The following PATL2 variants were observed in gnomAD, a reference collection of about 807,000 sequenced individuals.
The protein encoded by PATL2 is protein PAT1 homolog 2.
In PATL2, 73 loss-of-function variants were observed where a neutral mutation model predicts 77.0. That is an observed-to-expected ratio of 0.95 (90% CI 0.78 to 1.15). The LOEUF is 1.15. PATL2 is among the 50% of genes most tolerant of loss of function. The pLI is 0.00. For synonymous variants in PATL2, 265 were observed against 257.1 expected, an observed-to-expected ratio of 1.03 and a Z score of -0.29; for missense variants, 618 against 655.4, an observed-to-expected ratio of 0.94 and a Z score of 0.62.
At chr15:44,710,517 G>A (rs1008582380) in intron 2 of PATL2, among the ~76,000 whole-genome samples, 2 of 152,158 alleles carry the variant, frequency 1.3e-5, no homozygotes, top group East Asian at 1.9e-4. Context: ...TAAAATTGCC[G>A]AGCCCTTTGT....
chr15:44,683,575 A>G (rs529425661), intron 3 of PATL2, among the ~76,000 whole-genome samples: 54 of 152,328 alleles, frequency 3.5e-4, no homozygotes, highest in South Asian at 1.7e-3. Flanking sequence ...TCTGAAAGAA[A>G]GGCAGTAGCC....
chr15:44,702,045 A>T (rs1287963857), intron 3 of PATL2, among the ~76,000 whole-genome samples: 1 of 152,132 alleles, frequency 6.6e-6, no homozygotes, highest in Non-Finnish European at 1.5e-5. Flanking sequence ...AGGGATTACA[A>T]TTCAACATGA....
Position 44,675,692 on chromosome 15 carries a change from C to T in PATL2, c.17-1G>A. On this transcript the variant is annotated splice_acceptor_variant, in intron 4 of 17. Transcript: ENST00000682850. LOFTEE classifies it high-confidence loss of function. ...AAGGGGCCACAGGTCTTACCTGGCC[C>T]TTGGTTTAAGTGTGGGCCAGAGGAG... The T allele has an allele frequency of 6.5e-7, 1 of 1,546,788 alleles. No individual in the cohort carries two copies. The highest frequency in any genetic ancestry group is 8.7e-7 in the Non-Finnish European group (1 of 1,144,510).
chr15:44,702,834 C>A (rs144633602), intron 3 of PATL2, among the ~76,000 whole-genome samples: 1 of 151,784 alleles, frequency 6.6e-6, no homozygotes, highest in African/African-American at 2.4e-5. Flanking sequence ...AGTTTTTTTC[C>A]ATTGTGGTCA....
At chr15:44,681,945 A>G (rs2086143090) in intron 3 of PATL2, among the ~76,000 whole-genome samples, 1 of 152,196 alleles carries the variant, frequency 6.6e-6, no homozygotes. Flanking sequence ...TTTTAGCTGC[A>G]TGGAGAAATT....
Position 44,674,194 on chromosome 15 carries a change from C to A in PATL2, c.259G>T (p.Gly87Cys). ...GAGGCAAGTGACATTCCCAGCATAC[C>A]AGGGGCCTTGACTCCAGGGGAGCTA... ...LLSSPGVKAP[G>C]MLGMSLASLH... Residue 87 changes from glycine to cysteine, a missense_variant, in exon 6 of 18, where the codon GGT (glycine) becomes TGT (cysteine). Physicochemically the swap from Gly to Cys is radical, Grantham distance 159 (BLOSUM62 -3). Transcript: ENST00000682850. 1 of 1,550,884 alleles carries A rather than the reference C, an allele frequency of 6.4e-7. No individual in the cohort carries two copies.
In PATL2 at chr15:44,673,356, T is replaced by C; in HGVS notation, c.325A>G (p.Ile109Val). 1 of 1,551,678 alleles carries C rather than the reference T, an allele frequency of 6.4e-7. No homozygotes were observed. ...LWQTLDYLSP[I>V]PFWPTFPSTS... ...CTGGGAAATGTAGGCCAGAAAGGGA[T>C]GGGCGACAGGTAGTCCAAGGTCTGA... is the stretch of plus-strand genomic sequence containing the variant. Residue 109 changes from isoleucine to valine, a missense_variant, in exon 7 of 18, where the codon ATC becomes GTC. Coordinates refer to ENST00000682850, the MANE Select transcript of PATL2 (RefSeq NM_001387263.1).
At chr15:44,703,936 G>A (rs1421297394) in intron 3 of PATL2, among the ~76,000 whole-genome samples, 1 of 151,006 alleles carries the variant, frequency 6.6e-6, no homozygotes, top group African/African-American at 2.4e-5. Context: ...ATTTTCTCTG[G>A]TAGTATTTAA....
chr15:44,683,162 G>C (rs1458042935), intron 3 of PATL2, among the ~76,000 whole-genome samples: 1 of 152,118 alleles, frequency 6.6e-6, no homozygotes, highest in Non-Finnish European at 1.5e-5. Flanking sequence ...AAACTGGGCA[G>C]CTGTTTGGGC....
intron 3 of PATL2, among the ~76,000 whole-genome samples, chr15:44,678,217 T>C (rs946780942): frequency 6.6e-6 from 1 of 152,188 alleles, no homozygotes; most frequent in Non-Finnish European, 1.5e-5. Flanking sequence ...TAACGTACTT[T>C]AGCACTATTA....
At chr15:44,672,760 AATTTTT>A (rs753917744) in intron 7 of PATL2, among the ~76,000 whole-genome samples, 26 of 151,954 alleles carry the variant, frequency 1.7e-4, no homozygotes, top group Non-Finnish European at 3.1e-4. Flanking sequence ...ATTGCAAATA[AATTTTT>A]ATTTTTAATT....
intron 3 of PATL2, among the ~76,000 whole-genome samples, chr15:44,705,543 A>C (rs2086716925): frequency 6.6e-6 from 1 of 152,006 alleles, no homozygotes; most frequent in South Asian, 2.1e-4. Context: ...GGCATGCTTC[A>C]TTCTTTTTTA....
intron 3 of PATL2, among the ~76,000 whole-genome samples, chr15:44,693,528 G>A (rs990807257): frequency 2.0e-5 from 3 of 152,058 alleles, no homozygotes; most frequent in African/African-American, 4.8e-5. Context: ...TACACTGGGC[G>A]TACCCAAATA....
chr15:44,681,915 T>C (rs941330105), intron 3 of PATL2, among the ~76,000 whole-genome samples: 1 of 152,184 alleles, frequency 6.6e-6, no homozygotes, highest in Non-Finnish European at 1.5e-5. Flanking sequence ...CTAGATTGAG[T>C]TTCAGAAATA....
chr15:44,689,078 A>C (rs1190358969), intron 3 of PATL2, among the ~76,000 whole-genome samples: 3 of 152,284 alleles, frequency 2.0e-5, no homozygotes, highest in Non-Finnish European at 2.9e-5. Flanking sequence ...TCTCAAAAGA[A>C]GACATTTATG....
chr15:44,667,360 A>G (rs2085429484), intron 15 of PATL2, 157 bp from the exon 16 acceptor site: 1 of 616,914 alleles, frequency 1.6e-6, no homozygotes, highest in Admixed American at 2.7e-5. Flanking sequence ...CTGGTGAGCC[A>G]AAGAACTCTC....
intron 9 of PATL2, among the ~76,000 whole-genome samples, chr15:44,671,794 G>A (rs2085692112): frequency 1.3e-5 from 2 of 152,194 alleles, no homozygotes; most frequent in African/African-American, 4.8e-5. Flanking sequence ...AAGTGTGTTT[G>A]GGGAACTGGA....
At chr15:44,668,552 G>A in intron 14 of PATL2, 70 bp from the exon 15 acceptor site, 1 of 1,511,930 alleles carries the variant, frequency 6.6e-7, no homozygotes, top group Non-Finnish European at 8.9e-7. Flanking sequence ...TGCTTCCACA[G>A]TCCCTTCCCT....
chr15:44,684,930 T>C (rs2086220366), intron 3 of PATL2, among the ~76,000 whole-genome samples: 1 of 152,194 alleles, frequency 6.6e-6, no homozygotes, highest in African/African-American at 2.4e-5. Context: ...AGAAGAGAGT[T>C]GGGACCAATA....
Sources: allele counts gnomAD v4.1 joint callset (sites outside exome capture counted in the v4.1 genomes callset), GRCh38; gene constraint gnomAD v4.1.1; transcripts MANE v1.5; gene names NCBI Gene and HGNC (gene_info 2026-07-23, HGNC 2026-07-21).